The following CSNK1E variants were observed in gnomAD, a reference collection of about 807,000 sequenced individuals.
The protein encoded by CSNK1E is casein kinase 1 epsilon, also known as casein kinase I isoform epsilon.
CSNK1E carries 17 observed loss-of-function variants against 46.1 expected under a neutral mutation model. The ratio of observed to expected loss-of-function variants is 0.37; its 90% confidence interval spans 0.25 to 0.55. CSNK1E has a LOEUF of 0.55. Among genes scored for constraint, CSNK1E ranks in the 20% least tolerant of loss-of-function variants. The pLI, the probability that CSNK1E is intolerant of heterozygous loss-of-function variation, is 0.82. For missense variants in CSNK1E, 386 were observed against 595.4 expected (o/e 0.65, Z 3.66); for synonymous variants, 241 against 242.6 (o/e 0.99, Z 0.06).
At chr22:38,293,026 A>G (rs911241045) in intron 10 of CSNK1E, 1 of 554,790 alleles carries the variant, frequency 1.8e-6, no homozygotes, top group African/African-American at 1.9e-5. Context: ...TTTTTCCAGC[A>G]GAAACTAATC....
chr22:38,314,164 C>CT lies in CSNK1E; in HGVS notation c.-8dup. The CT allele has an allele frequency of 6.2e-7, 1 of 1,613,942 alleles. No homozygotes were observed. The highest frequency in any genetic ancestry group is 1.1e-5 in the South Asian group (1 of 91,084). Reference sequence around the variant, plus strand: ...TCCCCACACGTAGCTCCATGGCTCACTCTTGCTGCAGAGGAAGCAGGAACA... The same window carrying CT: ...TCCCCACACGTAGCTCCATGGCTCACTTCTTGCTGCAGAGGAAGCAGGAACA... On this transcript the variant is annotated 5_prime_UTR_variant, in exon 2 of 11. Transcript: ENST00000396832.
At position 38,302,844 on chromosome 22, in the gene CSNK1E, AGG is replaced by A; in HGVS notation, c.336+15_336+16del. On this transcript the variant is annotated intron_variant, in intron 4 of 10. Coordinates refer to ENST00000396832, the MANE Select transcript of CSNK1E (RefSeq NM_152221.3). ...CCCACAGGCATCTGGCTGGGGATGG[AGG>A]GGACGGGGACTCACCATCTGGTCGG... 1 of 1,613,350 alleles carries A rather than the reference AGG, an allele frequency of 6.2e-7. No individual in the cohort carries two copies. The highest frequency in any genetic ancestry group is 8.5e-7 in the Non-Finnish European group (1 of 1,179,572).
intron 1 of CSNK1E, among the ~76,000 whole-genome samples, chr22:38,314,496 C>T (rs553989514): frequency 6.6e-6 from 1 of 152,272 alleles, no homozygotes; most frequent in South Asian, 2.1e-4. Context: ...CCCCCAGGCT[C>T]CCACAGCCTG....
chr22:38,292,445 A>C (rs2092616310), intron 10 of CSNK1E: 1 of 151,860 alleles, frequency 6.6e-6, no homozygotes, highest in African/African-American at 2.4e-5. Flanking sequence ...CCACCCCCAA[A>C]TATCTGCCCA....
intron 2 of CSNK1E, among the ~76,000 whole-genome samples, chr22:38,304,069 C>T (rs1389245050): frequency 6.6e-6 from 1 of 152,198 alleles, no homozygotes; most frequent in East Asian, 1.9e-4. Context: ...TGTACCTTGC[C>T]TCAGTTTCCC....
Position 38,298,362 on chromosome 22 carries a change from A to C in CSNK1E, c.885+424T>G, listed in dbSNP as rs1487322263. ...AGCCAGACCCAGGGGCCCATGACCA[A>C]GAAGAAAGCAAGCACCATGACTGGG... On this transcript the variant is annotated intron_variant, in intron 7 of 10. Transcript: ENST00000396832. The surrounding 1 kb of genome is among the most constrained non-coding windows in gnomAD (Gnocchi z 4.2). 6.6e-6 allele frequency among the ~76,000 whole-genome samples: 1 copy of C among 151,388 alleles called. No homozygotes were observed. Among genetic ancestry groups the C allele is most frequent in the East Asian group, 2.0e-4 (1 of 5,112 alleles).
chr22:38,315,487 G>T (rs957494468), intron 1 of CSNK1E, among the ~76,000 whole-genome samples: 1 of 152,222 alleles, frequency 6.6e-6, no homozygotes, highest in Admixed American at 6.5e-5. Flanking sequence ...CTCAGCTGAG[G>T]TGCCACGCTG....
At position 38,300,502 on chromosome 22, in the gene CSNK1E, C is replaced by A. The variant is rs1016527895; in HGVS notation, c.565+222G>T. 2.0e-5 allele frequency among the ~76,000 whole-genome samples: 3 copies of A among 152,216 alleles called. No homozygotes were observed. Among genetic ancestry groups the A allele is most frequent in the African/African-American group, 7.2e-5 (3 of 41,464 alleles). On this transcript the variant is annotated intron_variant, in intron 5 of 10. Transcript: ENST00000396832. The surrounding 1 kb of genome is among the most constrained non-coding windows in gnomAD (Gnocchi z 4.4). ...CAACAGGGCGGAGGAGGAAGCAGGG[C>A]CAGGGAAGGCGCCCGGCACACACAG...
intron 2 of CSNK1E, among the ~76,000 whole-genome samples, chr22:38,306,122 T>C (rs1406597296): frequency 6.6e-6 from 1 of 152,140 alleles, no homozygotes; most frequent in Non-Finnish European, 1.5e-5. Context: ...ATACAGGAAG[T>C]GAAAAAGCAA....
chr22:38,307,205 A>G (rs554116044), intron 2 of CSNK1E, among the ~76,000 whole-genome samples: 1 of 152,236 alleles, frequency 6.6e-6, no homozygotes, highest in African/African-American at 2.4e-5. Flanking sequence ...AAAATTAAAA[A>G]TACAGTACAA....
Position 38,300,203 on chromosome 22 carries a change from A to G in CSNK1E, c.566-138T>C. 1 of 730,860 alleles carries G rather than the reference A, an allele frequency of 1.4e-6. No homozygotes were observed. The highest frequency in any genetic ancestry group is 2.2e-6 in the Non-Finnish European group (1 of 454,540). 45.3% of individuals were successfully genotyped at this position (730,860 alleles called of 1,614,324 possible). A position where few individuals can be genotyped will look rare whatever the true frequency, so the allele number is the denominator to read the frequency against. Reference sequence around the variant, plus strand: ...ATGTTGCTCACTGCACGCATTTTAAACAGGCACTGCTATTATCCTCCTCCT... The same window carrying G: ...ATGTTGCTCACTGCACGCATTTTAAGCAGGCACTGCTATTATCCTCCTCCT... On this transcript the variant is annotated intron_variant, in intron 5 of 10. Transcript: ENST00000396832. The surrounding 1 kb of genome is among the most constrained non-coding windows in gnomAD (Gnocchi z 4.4).
chr22:38,300,692 G>A lies in CSNK1E; in HGVS notation c.565+32C>T. On this transcript the variant is annotated intron_variant, in intron 5 of 10. Transcript: ENST00000396832. This position sits in a 1 kb window ranked among gnomAD's most constrained non-coding sequence, Gnocchi z 4.4. Reference sequence around the variant, plus strand: ...AGCTGGGCCCCAGCCAGTGGCCCCGGGTGCACACTGCTCCAGGCCTGGCTC... The same window carrying A: ...AGCTGGGCCCCAGCCAGTGGCCCCGAGTGCACACTGCTCCAGGCCTGGCTC... The A allele has an allele frequency of 6.2e-7, 1 of 1,601,684 alleles. No individual in the cohort carries two copies. Among genetic ancestry groups the A allele is most frequent in the South Asian group, 1.1e-5 (1 of 90,596 alleles).
chr22:38,313,319 C>G (rs945065838), intron 2 of CSNK1E, among the ~76,000 whole-genome samples: 1 of 152,170 alleles, frequency 6.6e-6, no homozygotes, highest in Non-Finnish European at 1.5e-5. Flanking sequence ...CACCTCACTC[C>G]AGCAACTTCA....
At chr22:38,296,485 T>C (rs192170759) in intron 7 of CSNK1E, 27 of 1,567,624 alleles carry the variant, frequency 1.7e-5, no homozygotes, top group Middle Eastern at 1.9e-4. Flanking sequence ...AAGGTTCCCA[T>C]TGCATGTTTT....
chr22:38,293,468 C>T (rs2092622672), intron 9 of CSNK1E, 149 bp from the exon 10 acceptor site: 2 of 612,580 alleles, frequency 3.3e-6, no homozygotes, highest in South Asian at 3.8e-5. Flanking sequence ...GGCAGCCCCT[C>T]AAGCTGAGGG....
Position 38,300,544 on chromosome 22 carries a change from G to A in CSNK1E, c.565+180C>T, listed in dbSNP as rs1368389760. ...CACACACAGCTTGGCTTACGAAGGG[G>A]AAGACCCGACTGTGCAAGGACACGG... On this transcript the variant is annotated intron_variant, in intron 5 of 10. Coordinates refer to ENST00000396832, the MANE Select transcript of CSNK1E (RefSeq NM_152221.3). This position sits in a 1 kb window ranked among gnomAD's most constrained non-coding sequence, Gnocchi z 4.4. Among the ~76,000 whole-genome samples the A allele has an allele frequency of 6.6e-6, 1 of 152,234 alleles. No individual in the cohort carries two copies. Among genetic ancestry groups the A allele is most frequent in the Non-Finnish European group, 1.5e-5 (1 of 68,040 alleles).
chr22:38,315,146 C>A (rs1379346515), intron 1 of CSNK1E, among the ~76,000 whole-genome samples: 1 of 152,236 alleles, frequency 6.6e-6, no homozygotes, highest in Non-Finnish European at 1.5e-5. Context: ...GATGGTACAG[C>A]CTCGCCGAGG....
At chr22:38,312,213 T>C (rs529114494) in intron 2 of CSNK1E, among the ~76,000 whole-genome samples, 4 of 152,354 alleles carry the variant, frequency 2.6e-5, no homozygotes, top group Admixed American at 2.6e-4. Flanking sequence ...CTCAGCCTCC[T>C]GAGTAGCTGA....
At chr22:38,312,749 C>T (rs2092726547) in intron 2 of CSNK1E, among the ~76,000 whole-genome samples, 1 of 152,208 alleles carries the variant, frequency 6.6e-6, no homozygotes, top group Non-Finnish European at 1.5e-5. Context: ...GTCAGTCAGG[C>T]AGCATTATCA....
Sources: allele counts gnomAD v4.1 joint callset (sites outside exome capture counted in the v4.1 genomes callset), GRCh38; gene constraint gnomAD v4.1.1; non-coding constraint Gnocchi (gnomAD v3.1); transcripts MANE v1.5; gene names NCBI Gene and HGNC (gene_info 2026-07-23, HGNC 2026-07-21).